Variants in INPP5F observed in about 807,000 individuals in gnomAD.
INPP5F encodes inositol polyphosphate-5-phosphatase F, also known as phosphatidylinositide 4-phosphatase SAC2.
A neutral mutation model predicts 137.2 loss-of-function variants in INPP5F; 97 were observed. That is an observed-to-expected ratio of 0.71 (90% CI 0.60 to 0.84). INPP5F has a LOEUF of 0.84. Ranked by LOEUF, INPP5F falls within the 40% of genes least tolerant of loss-of-function variation. The probability of loss-of-function intolerance (pLI) is 0.00; values close to 1 mark genes in which losing one functional copy is unlikely to be tolerated. For missense variants in INPP5F, 1,271 were observed against 1,371.9 expected (o/e 0.93, Z 1.16); for synonymous variants, 504 against 476.9 (o/e 1.06, Z -0.74).
chr10:119,765,272 C>T (rs1849122900), intron 2 of INPP5F, among the ~76,000 whole-genome samples: 1 of 152,098 alleles, frequency 6.6e-6, no homozygotes, highest in African/African-American at 2.4e-5. Context: ...TATAATACAG[C>T]ATACAAAATA....
intron 2 of INPP5F, among the ~76,000 whole-genome samples, chr10:119,777,046 T>C (rs961578902): frequency 6.6e-6 from 1 of 152,052 alleles, no homozygotes; most frequent in African/African-American, 2.4e-5. Context: ...CCACCGCACC[T>C]GGCCTCAGCT....
intron 2 of INPP5F, among the ~76,000 whole-genome samples, chr10:119,765,203 G>T (rs972145292): frequency 1.3e-5 from 2 of 151,394 alleles, no homozygotes; most frequent in African/African-American, 4.9e-5. Flanking sequence ...CAAAGTGCTG[G>T]GATTACAGGT....
chr10:119,798,457 T>C, intron 8 of INPP5F, 86 bp from the exon 9 acceptor site: 1 of 883,494 alleles, frequency 1.1e-6, no homozygotes, highest in Admixed American at 2.3e-5. Context: ...CAATAAATTA[T>C]TTAAAAGTAA....
chr10:119,806,226 T>G (rs1369521432), intron 11 of INPP5F, 134 bp from the exon 12 acceptor site: 9 of 540,936 alleles, frequency 1.7e-5, no homozygotes, highest in Admixed American at 3.6e-5. Context: ...GACTCAATAA[T>G]GCATAGCATA....
intron 15 of INPP5F, among the ~76,000 whole-genome samples, chr10:119,817,403 A>C (rs12773216): frequency 6.6e-6 from 1 of 152,072 alleles, no homozygotes; most frequent in Non-Finnish European, 1.5e-5. Context: ...CTGCCAAACT[A>C]TTTTCTACAG....
chr10:119,774,994 AAAAAT>A (rs1195819543), intron 2 of INPP5F, among the ~76,000 whole-genome samples: 7 of 152,152 alleles, frequency 4.6e-5, no homozygotes, highest in African/African-American at 1.7e-4. Flanking sequence ...ACATAGATCA[AAAAAT>A]AAAAAAAACT....
intron 16 of INPP5F, 152 bp downstream of exon 16, chr10:119,821,069 AC>A (rs1805932142): frequency 5.0e-6 from 3 of 596,458 alleles, no homozygotes; most frequent in African/African-American, 3.7e-5. Flanking sequence ...TATAACTGTT[AC>A]GTCATTCTAA....
intron 9 of INPP5F, among the ~76,000 whole-genome samples, chr10:119,802,161 T>C (rs1011885772): frequency 2.0e-5 from 3 of 152,186 alleles, no homozygotes; most frequent in Non-Finnish European, 4.4e-5. Context: ...ACAGGTTTTC[T>C]GCTCTAATAA....
At position 119,810,102 on chromosome 10, in the gene INPP5F, T is replaced by G; in HGVS notation, c.1572T>G (p.Gly524=). ...RQYAGTAALK[G]DFTRTGERKL... is the part of the protein sequence containing the mutation. The stretch of plus-strand genomic sequence containing the variant: ...CAAAATCAGTTTTTGTTTGACAGGG[T>G]GACTTTACAAGGACAGGAGAAAGGA... The change falls in exon 14 of 20, where the codon GGT becomes GGG. Residue 524 remains glycine, a splice_region_variant and synonymous_variant. Transcript: ENST00000650623. The G allele has an allele frequency of 6.3e-7, 1 of 1,595,080 alleles. No individual in the cohort carries two copies. Among genetic ancestry groups the G allele is most frequent in the Admixed American group, 1.7e-5 (1 of 59,456 alleles).
intron 2 of INPP5F, among the ~76,000 whole-genome samples, chr10:119,759,941 C>T (rs1848961586): frequency 6.6e-6 from 1 of 152,172 alleles, no homozygotes; most frequent in African/African-American, 2.4e-5. Context: ...TTTCCCACCT[C>T]CCTTGTTCCT....
In INPP5F at chr10:119,797,550, A is replaced by G. The variant is rs1325004363; in HGVS notation, c.958A>G (p.Thr320Ala). 1 of 1,613,000 alleles carries G rather than the reference A, an allele frequency of 6.2e-7. No homozygotes were observed. The highest frequency in any genetic ancestry group is 1.7e-5 in the Admixed American group (1 of 59,924). Reference sequence around the variant, plus strand: ...GCAGTTGATTCATGTTCATAATCATACCCTGTCATTTGTTCAAACACGAGG... The same window carrying G: ...GCAGTTGATTCATGTTCATAATCATGCCCTGTCATTTGTTCAAACACGAGG... ...TEQLIHVHNH[T>A]LSFVQTRGSV... is the part of the protein sequence containing the mutation. Residue 320 changes from threonine (T) to alanine (A), a missense_variant, in exon 8 of 20, where the codon ACC (threonine) becomes GCC (alanine). This residue lies in a region of INPP5F where 593 missense variants were observed against 712.4 expected (regional missense o/e 0.83). Transcript: ENST00000650623.
At chr10:119,794,627 G>T (rs71500898) in intron 6 of INPP5F, among the ~76,000 whole-genome samples, 1 of 130,608 alleles carries the variant, frequency 7.7e-6, no homozygotes. Context: ...CTCCCGTACG[G>T]GGCGGCTGGC....
chr10:119,789,924 G>C (rs1850077264), intron 3 of INPP5F, among the ~76,000 whole-genome samples: 2 of 151,656 alleles, frequency 1.3e-5, no homozygotes, highest in Non-Finnish European at 2.9e-5. Context: ...TGTGTTGTAG[G>C]ATGAGGGAGG....
chr10:119,789,471 G>T (rs564857594), intron 3 of INPP5F, among the ~76,000 whole-genome samples: 2 of 152,268 alleles, frequency 1.3e-5, no homozygotes, highest in East Asian at 3.9e-4. Flanking sequence ...TGCTGCCCCA[G>T]TGATGCTGTA....
At chr10:119,729,399 G>A (rs1411362971) in intron 1 of INPP5F, among the ~76,000 whole-genome samples, 1 of 151,958 alleles carries the variant, frequency 6.6e-6, no homozygotes, top group Admixed American at 6.6e-5. Flanking sequence ...TGCCCACCTC[G>A]GCCCCCCAAA....
intron 2 of INPP5F, among the ~76,000 whole-genome samples, chr10:119,751,369 T>C (rs1395242941): frequency 6.6e-6 from 1 of 152,206 alleles, no homozygotes; most frequent in Non-Finnish European, 1.5e-5. Flanking sequence ...AGAGTAATCA[T>C]GGAAATAAAC....
At chr10:119,777,652 G>A (rs980325850) in intron 2 of INPP5F, among the ~76,000 whole-genome samples, 2 of 152,158 alleles carry the variant, frequency 1.3e-5, no homozygotes, top group African/African-American at 4.8e-5. Context: ...TCTGTTATGT[G>A]CTTTTTAAGA....
intron 3 of INPP5F, among the ~76,000 whole-genome samples, chr10:119,785,942 T>G (rs1047797749): frequency 6.6e-6 from 1 of 152,188 alleles, no homozygotes; most frequent in African/African-American, 2.4e-5. Flanking sequence ...GTTGCTTCTT[T>G]AGAAAAAAAA....
At chr10:119,810,278 C>T (rs1209161715) in intron 14 of INPP5F, 61 bp downstream of exon 14, 19 of 846,718 alleles carry the variant, frequency 2.2e-5, no homozygotes, top group Non-Finnish European at 3.4e-5. Flanking sequence ...TAATATTTTA[C>T]AGAAACCAGC....
Sources: gnomAD v4.1 joint callset for allele counts (sites outside exome capture counted in the v4.1 genomes callset) on GRCh38, gnomAD v4.1.1 for gene constraint, gnomAD v4.1.1 regional missense constraint, MANE v1.5 for transcripts, NCBI Gene and HGNC (gene_info 2026-07-23, HGNC 2026-07-21) for gene names.